FAAH2: variants seen among roughly 807,000 people sequenced by gnomAD.
FAAH2 encodes fatty-acid amide hydrolase 2.
In FAAH2, 60 loss-of-function variants were observed where a neutral mutation model predicts 36.9. The ratio of observed to expected loss-of-function variants is 1.63; its 90% confidence interval spans 1.32 to 2.02. The LOEUF is 2.02. Among genes scored for constraint, FAAH2 ranks in the 30% most tolerant of loss-of-function variants. The probability of loss-of-function intolerance (pLI) is 0.00; values close to 1 mark genes in which losing one functional copy is unlikely to be tolerated. For missense variants in FAAH2, 689 were observed against 397.5 expected (o/e 1.73, Z -6.23); for synonymous variants, 214 against 143.8 (o/e 1.49, Z -3.49).
chrX:57,332,684 C>A (rs770915217), intron 4 of FAAH2, among the ~76,000 whole-genome samples: 23 of 111,096 alleles, frequency 2.1e-4, no homozygotes, highest in African/African-American at 7.2e-4. Context: ...ATCTTAGGGG[C>A]CCCACACAAT....
At position 57,292,519 on chromosome X, in the gene FAAH2, C is replaced by T. The variant is rs759773429; in HGVS notation, c.214C>T (p.Gln72Ter). The T allele has an allele frequency of 1.7e-6, 2 of 1,208,510 alleles. No individual in the cohort carries two copies. The highest frequency in any genetic ancestry group is 4.4e-5 in the Admixed American group (2 of 45,811). The stretch of plus-strand genomic sequence containing the variant: ...GCAGGTGAAATGTATAGATGTTGTT[C>T]AGGCTTATATCAACAGAATCAAGGA... Reference protein sequence around the residue: ...QRKVKCIDVVQAYINRIKDVN... With the variant: ...QRKVKCIDVV The change falls in exon 2 of 11, where the codon CAG (glutamine) becomes TAG (stop). Residue 72 changes from glutamine to a stop codon, truncating the protein, a stop_gained. Transcript: ENST00000374900. LOFTEE classifies it high-confidence loss of function.
chrX:57,441,018 G>A (rs774421152), intron 8 of FAAH2, among the ~76,000 whole-genome samples: 1 of 111,431 alleles, frequency 9.0e-6, no homozygotes, highest in Non-Finnish European at 1.9e-5. Flanking sequence ...ATTTTATTGA[G>A]GATTTTTGCA....
chrX:57,363,292 G>A (rs886760057), intron 5 of FAAH2, among the ~76,000 whole-genome samples: 1 of 111,239 alleles, frequency 9.0e-6, no homozygotes, highest in Non-Finnish European at 1.9e-5. Context: ...TCACCTCCCT[G>A]GTTAGCTATA....
intron 8 of FAAH2, among the ~76,000 whole-genome samples, chrX:57,440,783 C>T (rs1011250717): frequency 5.4e-5 from 6 of 111,330 alleles, no homozygotes; most frequent in Non-Finnish European, 1.1e-4. Context: ...GCCATCAATA[C>T]CTACTTTATG....
the FAAH2 span, among the ~76,000 whole-genome samples, chrX:57,214,585 C>T: frequency 3.5e-3 from 389 of 111,068 alleles, 1 homozygote; most frequent in African/African-American, 0.012. Flanking sequence ...TGCCATGATG[C>T]CTGGCTAATT....
the FAAH2 span, among the ~76,000 whole-genome samples, chrX:57,248,474 C>T: frequency 1.8e-5 from 2 of 111,036 alleles, no homozygotes; most frequent in Admixed American, 9.6e-5. Flanking sequence ...ATAATGTGGG[C>T]CAGGCATGGT....
chrX:57,391,310 G>A (rs1240709951), intron 7 of FAAH2, among the ~76,000 whole-genome samples: 1 of 111,440 alleles, frequency 9.0e-6, no homozygotes, highest in Non-Finnish European at 1.9e-5. Context: ...CTGTACAGAA[G>A]CTAAAATAGT....
At chrX:57,299,723 A>C (rs1410064785) in intron 2 of FAAH2, among the ~76,000 whole-genome samples, 1 of 111,839 alleles carries the variant, frequency 8.9e-6, no homozygotes, top group Non-Finnish European at 1.9e-5. Context: ...TCTCAGCCCA[A>C]AATCTCCTTA....
At chrX:57,165,235 G>A in the FAAH2 span, among the ~76,000 whole-genome samples, 10 of 111,878 alleles carry the variant, frequency 8.9e-5, no homozygotes, top group East Asian at 2.8e-4. Context: ...AAAGACACAC[G>A]CACATGTATG....
At chrX:57,153,417 G>T in the FAAH2 span, among the ~76,000 whole-genome samples, 3 of 111,628 alleles carry the variant, frequency 2.7e-5, no homozygotes, top group African/African-American at 9.8e-5. Context: ...ATTATTTGTT[G>T]CCTGTATACC....
At position 57,331,696 on chromosome X, in the gene FAAH2, C is replaced by T; in HGVS notation, c.511C>T (p.Leu171Phe). ...ACTGAAGGGAGCTGGTGCCATTCCT[C>T]TTGGCATAACCAACTGTAGTGAGTT... is the stretch of plus-strand genomic sequence containing the variant. ...ALLKGAGAIP[L>F]GITNCSELCM... The change falls in exon 4 of 11, where the codon CTT (leucine) becomes TTT (phenylalanine). Residue 171 changes from leucine to phenylalanine, a missense_variant. Leu to Phe is a conservative substitution (Grantham distance 22). Coordinates refer to ENST00000374900, the MANE Select transcript of FAAH2 (RefSeq NM_174912.4). 1 of 1,211,110 alleles carries T rather than the reference C, an allele frequency of 8.3e-7. No individual in the cohort carries two copies. Among genetic ancestry groups the T allele is most frequent in the Non-Finnish European group, 1.1e-6 (1 of 895,039 alleles).
chrX:57,248,956 C>T, the FAAH2 span, among the ~76,000 whole-genome samples: 1 of 109,148 alleles, frequency 9.2e-6, no homozygotes, highest in African/African-American at 3.3e-5. Flanking sequence ...ATATGTCTGC[C>T]TAATTCTGCC....
At chrX:57,329,177 TATTGACTGC>T (rs1468235073) in intron 3 of FAAH2, among the ~76,000 whole-genome samples, 3 of 112,233 alleles carry the variant, frequency 2.7e-5, no homozygotes, top group African/African-American at 9.7e-5. Context: ...CAATTGGCAA[TATTGACTGC>T]ATTGCCTTTT....
At chrX:57,321,799 C>G (rs1343046467) in intron 3 of FAAH2, among the ~76,000 whole-genome samples, 1 of 111,057 alleles carries the variant, frequency 9.0e-6, no homozygotes, top group Non-Finnish European at 1.9e-5. Flanking sequence ...CATGTTGTTA[C>G]TTGGTTATTA....
chrX:57,130,151 G>A, the FAAH2 span, among the ~76,000 whole-genome samples: 4 of 112,285 alleles, frequency 3.6e-5, no homozygotes, highest in Non-Finnish European at 5.6e-5. Context: ...ATATCATCCT[G>A]TTTGAGAATG....
intron 5 of FAAH2, among the ~76,000 whole-genome samples, chrX:57,370,405 G>T (rs955776338): frequency 1.8e-5 from 2 of 111,253 alleles, no homozygotes; most frequent in African/African-American, 3.3e-5. Flanking sequence ...AATGACAAAA[G>T]TTGATTCAGC....
chrX:57,364,443 C>CTTTTTT (rs1225398163), intron 5 of FAAH2, among the ~76,000 whole-genome samples: 1 of 73,318 alleles, frequency 1.4e-5, no homozygotes, highest in African/African-American at 5.3e-5. Flanking sequence ...GGATCTTCTC[C>CTTTTTT]TTTTTTTTTT....
At chrX:57,195,489 T>G in the FAAH2 span, among the ~76,000 whole-genome samples, 1 of 111,985 alleles carries the variant, frequency 8.9e-6, no homozygotes, top group African/African-American at 3.2e-5. Context: ...TTGAGTTTCT[T>G]GTGGATTCTA....
intron 8 of FAAH2, among the ~76,000 whole-genome samples, chrX:57,439,808 C>T (rs2056507620): frequency 8.9e-6 from 1 of 111,744 alleles, no homozygotes; most frequent in Non-Finnish European, 1.9e-5. Context: ...CCAGTTTTAG[C>T]TTTCTACATA....
Sources: gnomAD v4.1 joint callset for allele counts (sites outside exome capture counted in the v4.1 genomes callset) on GRCh38, gnomAD v4.1.1 for gene constraint, MANE v1.5 for transcripts, NCBI Gene and HGNC (gene_info 2026-07-23, HGNC 2026-07-21) for gene names.